The following FTO variants were observed in gnomAD, a reference collection of about 807,000 sequenced individuals.
FTO encodes the protein FTO alpha-ketoglutarate dependent dioxygenase, also known as alpha-ketoglutarate-dependent dioxygenase FTO.
FTO carries 47 observed loss-of-function variants against 63.9 expected under a neutral mutation model. That is an observed-to-expected ratio of 0.74 (90% CI 0.58 to 0.94). The LOEUF is 0.94. Among genes scored for constraint, FTO ranks in the 40% least tolerant of loss-of-function variants. The probability of loss-of-function intolerance (pLI) is 0.00; values close to 1 mark genes in which losing one functional copy is unlikely to be tolerated. For missense variants in FTO, 562 were observed against 618.1 expected (o/e 0.91, Z 0.96); for synonymous variants, 207 against 224.4 (o/e 0.92, Z 0.69).
chr16:54,082,783 T>C lies in FTO; in HGVS notation c.1365-28979T>C, dbSNP rs538377968. On this transcript the variant is annotated intron_variant, in intron 8 of 8. Coordinates refer to ENST00000471389, the MANE Select transcript of FTO (RefSeq NM_001080432.3). ...TTCATCCAGGTTCAAGGACTCCTTT[T>C]GGTTGCAACTGACCCGCCATGCTGC... 7.2e-5 allele frequency among the ~76,000 whole-genome samples: 11 copies of C among 152,308 alleles called. No individual in the cohort carries two copies. The South Asian group carries it at 2.1e-3, about 29-fold the overall frequency.
At chr16:54,071,276 C>G (rs753124131) in intron 8 of FTO, 16 of 152,160 alleles carry the variant, frequency 1.1e-4, no homozygotes, top group Non-Finnish European at 1.8e-4. Context: ...TTGAGTGGAG[C>G]TAAATGGCAG....
At chr16:53,750,061 T>C (rs998133279) in intron 1 of FTO, among the ~76,000 whole-genome samples, 1 of 152,136 alleles carries the variant, frequency 6.6e-6, no homozygotes, top group Non-Finnish European at 1.5e-5. Flanking sequence ...AAAGAATAAG[T>C]AGTAAGAAGA....
chr16:54,023,584 G>A (rs2144165753), intron 8 of FTO, among the ~76,000 whole-genome samples: 1 of 152,298 alleles, frequency 6.6e-6, no homozygotes, highest in African/African-American at 2.4e-5. Flanking sequence ...TGGATAAAGA[G>A]CCTTCCGTTG....
intron 4 of FTO, among the ~76,000 whole-genome samples, chr16:53,857,748 C>T (rs2080050354): frequency 6.6e-6 from 1 of 152,130 alleles, no homozygotes; most frequent in Non-Finnish European, 1.5e-5. Flanking sequence ...GTTCTTCCTA[C>T]TCATCAATGT....
At chr16:53,916,754 G>T (rs1012846015) in intron 7 of FTO, among the ~76,000 whole-genome samples, 3 of 152,142 alleles carry the variant, frequency 2.0e-5, no homozygotes, top group African/African-American at 7.2e-5. Flanking sequence ...TTCATCTGAC[G>T]CATTCCTTTC....
intron 4 of FTO, among the ~76,000 whole-genome samples, chr16:53,866,380 ATGC>A (rs774307247): frequency 4.8e-4 from 73 of 152,184 alleles, no homozygotes; most frequent in Non-Finnish European, 8.8e-4. Flanking sequence ...TGTCTGGGCA[ATGC>A]TGGCCGCAAA....
At chr16:54,074,917 A>AGAGTGTGT (rs1259223102) in intron 8 of FTO, among the ~76,000 whole-genome samples, 1 of 134,172 alleles carries the variant, frequency 7.5e-6, no homozygotes, top group Non-Finnish European at 1.6e-5. Context: ...AGAGAGAGAG[A>AGAGTGTGT]GTGTGTGTGT....
intron 7 of FTO, among the ~76,000 whole-genome samples, chr16:53,908,026 A>G (rs1037679868): frequency 2.6e-5 from 4 of 152,226 alleles, no homozygotes; most frequent in Non-Finnish European, 4.4e-5. Context: ...GAGACATTAA[A>G]GTTGCTGAAG....
chr16:53,884,665 G>A (rs1455419404), intron 6 of FTO, among the ~76,000 whole-genome samples: 2 of 152,144 alleles, frequency 1.3e-5, no homozygotes, highest in African/African-American at 4.8e-5. Context: ...ACAACTATAT[G>A]GTGATAAAGT....
intron 8 of FTO, among the ~76,000 whole-genome samples, chr16:54,060,708 T>C (rs183759949): frequency 6.6e-6 from 1 of 152,208 alleles, no homozygotes. Context: ...TGTATTTCAC[T>C]CCCAGCCATA....
intron 4 of FTO, among the ~76,000 whole-genome samples, chr16:53,862,520 A>G (rs1287922179): frequency 6.9e-6 from 1 of 144,364 alleles, no homozygotes; most frequent in Non-Finnish European, 1.5e-5. Context: ...GATTATTCTT[A>G]TATCTTTCTG....
At chr16:54,070,208 T>A (rs1459678332) in intron 8 of FTO, 4 of 152,072 alleles carry the variant, frequency 2.6e-5, no homozygotes, top group Non-Finnish European at 4.4e-5. Flanking sequence ...AGAATGGTCA[T>A]TTTTTTCTCC....
intron 8 of FTO, among the ~76,000 whole-genome samples, chr16:54,052,274 A>T (rs2085330701): frequency 6.6e-6 from 1 of 152,110 alleles, no homozygotes; most frequent in Non-Finnish European, 1.5e-5. Context: ...AGACATCTTG[A>T]CTTTTTTTTA....
At chr16:54,088,562 T>C (rs2086301247) in intron 8 of FTO, among the ~76,000 whole-genome samples, 1 of 152,220 alleles carries the variant, frequency 6.6e-6, no homozygotes, top group African/African-American at 2.4e-5. Flanking sequence ...TCCTTCTTGA[T>C]GGTAAGGACA....
chr16:54,098,260 G>A (rs949360810), intron 8 of FTO, among the ~76,000 whole-genome samples: 9 of 152,150 alleles, frequency 5.9e-5, no homozygotes, highest in Non-Finnish European at 1.2e-4. Flanking sequence ...GTGTCACACA[G>A]TTGGTATTAG....
intron 8 of FTO, among the ~76,000 whole-genome samples, chr16:54,102,846 A>G (rs1177317005): frequency 6.6e-6 from 1 of 152,114 alleles, no homozygotes; most frequent in South Asian, 2.1e-4. Flanking sequence ...AGAGTTATCT[A>G]TGCTAAATGG....
chr16:53,959,307 A>C (rs1358346287), intron 8 of FTO, among the ~76,000 whole-genome samples: 3 of 152,146 alleles, frequency 2.0e-5, no homozygotes, highest in Non-Finnish European at 4.4e-5. Flanking sequence ...CTTGTGAAAC[A>C]CAGATTGCAG....
chr16:53,736,594 C>T (rs1355408046), intron 1 of FTO, among the ~76,000 whole-genome samples: 4 of 152,306 alleles, frequency 2.6e-5, no homozygotes, highest in African/African-American at 9.6e-5. Context: ...TTGCAATAGT[C>T]TCAGAACTAA....
At chr16:54,079,576 C>T (rs936899613) in intron 8 of FTO, among the ~76,000 whole-genome samples, 1 of 152,180 alleles carries the variant, frequency 6.6e-6, no homozygotes, top group African/African-American at 2.4e-5. Flanking sequence ...TGAACTAAAA[C>T]TGCAGGAAGT....
Sources: gnomAD v4.1 joint callset for allele counts (sites outside exome capture counted in the v4.1 genomes callset) on GRCh38, gnomAD v4.1.1 for gene constraint, MANE v1.5 for transcripts, NCBI Gene and HGNC (gene_info 2026-07-23, HGNC 2026-07-21) for gene names.